The following KDM2B variants were observed in gnomAD, a reference collection of about 807,000 sequenced individuals.
KDM2B encodes lysine-specific demethylase 2B.
KDM2B carries 26 observed loss-of-function variants against 150.0 expected under a neutral mutation model. The ratio of observed to expected loss-of-function variants is 0.17; its 90% confidence interval spans 0.13 to 0.24. KDM2B has a LOEUF of 0.24. KDM2B is among the 10% of genes least tolerant of loss of function. The pLI is 1.00. For missense variants in KDM2B, 1,265 were observed against 1,816.9 expected, an observed-to-expected ratio of 0.70 and a Z score of 5.52; for synonymous variants, 734 against 729.5, an observed-to-expected ratio of 1.01 and a Z score of -0.10.
chr12:121,435,864 T>G (rs1331465789), intron 22 of KDM2B, among the ~76,000 whole-genome samples: 1 of 152,120 alleles, frequency 6.6e-6, no homozygotes, highest in Non-Finnish European at 1.5e-5. Context: ...ACCCTGTAAG[T>G]GTCGTCCATA....
intron 21 of KDM2B, 46 bp from the exon 22 acceptor site, chr12:121,440,121 A>C (rs1294147252): frequency 9.0e-6 from 13 of 1,439,832 alleles, no homozygotes; most frequent in East Asian, 4.9e-5. Flanking sequence ...CTGACCGAGG[A>C]GGCCTGGTCA....
chr12:121,574,122 C>T (rs1207596673), intron 4 of KDM2B, among the ~76,000 whole-genome samples: 1 of 152,148 alleles, frequency 6.6e-6, no homozygotes, highest in Non-Finnish European at 1.5e-5. Context: ...ATTTGCTGAG[C>T]TCGCAGTTCC....
At chr12:121,440,169 A>G in intron 21 of KDM2B, 94 bp from the exon 22 acceptor site, 1 of 822,188 alleles carries the variant, frequency 1.2e-6, no homozygotes, top group South Asian at 1.6e-5. Context: ...CCAGCCAGAC[A>G]GAACACTCAG....
At chr12:121,571,982 G>T (rs901121495) in intron 4 of KDM2B, among the ~76,000 whole-genome samples, 3 of 152,072 alleles carry the variant, frequency 2.0e-5, no homozygotes, top group Non-Finnish European at 4.4e-5. Context: ...GTGGCCAGGT[G>T]CATGGTTCAA....
chr12:121,554,693 G>A (rs1402844499), intron 4 of KDM2B, among the ~76,000 whole-genome samples: 1 of 152,140 alleles, frequency 6.6e-6, no homozygotes, highest in Middle Eastern at 3.2e-3. Context: ...TTACAGGCGT[G>A]AGCCACCGCA....
At position 121,444,161 on chromosome 12, in the gene KDM2B, T is replaced by A; in HGVS notation, c.2302A>T (p.Ser768Cys). ...KEGQEPAKRR[S>C]ECEEAPRRRS... is the part of the protein sequence containing the mutation. ...CGCCGGGGCGCCTCCTCACACTCAC[T>A]CCTCCGCTTGGCAGGTTCCTGCCCT... Residue 768 changes from serine (S) to cysteine (C), a missense_variant, in exon 16 of 23, where the codon AGT (serine) becomes TGT (cysteine). Around this residue, in one of 11 missense-constraint regions of KDM2B, gnomAD observed 418 missense variants for 402.4 expected, o/e 1.04. Transcript: ENST00000377071. 1.2e-6 allele frequency: 2 copies of A among 1,612,538 alleles called. No homozygotes were observed. The highest frequency in any genetic ancestry group is 1.7e-6 in the Non-Finnish European group (2 of 1,180,024).
intron 11 of KDM2B, among the ~76,000 whole-genome samples, chr12:121,499,107 T>TA (rs1884262509): frequency 1.7e-5 from 2 of 119,760 alleles, no homozygotes; most frequent in Admixed American, 1.0e-4. Flanking sequence ...ATCCAGTCAA[T>TA]AAATTTTTTT....
the KDM2B span, among the ~76,000 whole-genome samples, chr12:121,421,553 GAAC>G: frequency 6.6e-6 from 1 of 151,638 alleles, no homozygotes; most frequent in South Asian, 2.1e-4. Flanking sequence ...AAACAAAACA[GAAC>G]AAAAACTTCT....
chr12:121,417,437 A>G, the KDM2B span: 1 of 1,393,878 alleles, frequency 7.2e-7, no homozygotes, highest in East Asian at 2.3e-5. This position sits in a 1 kb window ranked among gnomAD's most constrained non-coding sequence, Gnocchi z 5.0. Flanking sequence ...AGTAGAAGGC[A>G]GAAAGAAAAC....
chr12:121,551,246 C>T (rs1889465682), intron 4 of KDM2B, among the ~76,000 whole-genome samples: 1 of 152,110 alleles, frequency 6.6e-6, no homozygotes, highest in Non-Finnish European at 1.5e-5. Flanking sequence ...ATAAAAGTAA[C>T]TCTGTGTAAT....
chr12:121,439,708 C>T (rs1450453111), intron 22 of KDM2B, 149 bp downstream of exon 22: 7 of 651,924 alleles, frequency 1.1e-5, no homozygotes, highest in Non-Finnish European at 1.6e-5. Context: ...ACTGTGTTTC[C>T]CCCCTGGACT....
chr12:121,420,496 T>C, the KDM2B span: 1 of 1,573,718 alleles, frequency 6.4e-7, no homozygotes, highest in Admixed American at 1.7e-5. Flanking sequence ...GCTGGGAGAA[T>C]ATTCAGGGCC....
chr12:121,568,529 C>A (rs1349604527), intron 4 of KDM2B, among the ~76,000 whole-genome samples: 1 of 152,060 alleles, frequency 6.6e-6, no homozygotes, highest in Non-Finnish European at 1.5e-5. Context: ...CAACTACACA[C>A]AACAAACAAT....
intron 13 of KDM2B, among the ~76,000 whole-genome samples, chr12:121,447,978 C>T (rs992640061): frequency 3.3e-5 from 5 of 151,750 alleles, no homozygotes; most frequent in African/African-American, 7.3e-5. Context: ...TTTCTATTAA[C>T]ACGTCATGGG....
rs782703166 is a variant in KDM2B at position 121,520,958 on chromosome 12, C to A, written c.1047+27G>T. 7 of 1,583,718 alleles carry A rather than the reference C, an allele frequency of 4.4e-6. No homozygotes were observed. In the Admixed American group the frequency reaches 1.2e-4, roughly 26 times the overall value. On this transcript the variant is annotated intron_variant, in intron 9 of 22. Transcript: ENST00000377071. The surrounding 1 kb of genome is among the most constrained non-coding windows in gnomAD (Gnocchi z 4.5). ...GCAGAGCTCAGGGGCCAGGCGCGCA[C>A]GCGAGGACAGAAGGGAACCTCCTTA...
At chr12:121,423,382 T>G in the KDM2B span, 9 of 1,599,694 alleles carry the variant, frequency 5.6e-6, no homozygotes, top group South Asian at 1.0e-4. This position sits in a 1 kb window ranked among gnomAD's most constrained non-coding sequence, Gnocchi z 4.3. Flanking sequence ...CTGTTGCCTT[T>G]CAGATGGCGA....
intron 9 of KDM2B, among the ~76,000 whole-genome samples, chr12:121,515,049 A>C (rs1373737328): frequency 1.4e-4 from 1 of 7,126 alleles, no homozygotes; most frequent in Non-Finnish European, 2.8e-4. Context: ...CACACTCCCC[A>C]CCCCCAATCA....
At chr12:121,422,808 G>A in the KDM2B span, among the ~76,000 whole-genome samples, 155 of 152,258 alleles carry the variant, frequency 1.0e-3, no homozygotes, top group African/African-American at 3.6e-3. Context: ...GAGCCAGGAC[G>A]GCCCATCTCT....
intron 10 of KDM2B, among the ~76,000 whole-genome samples, chr12:121,511,716 C>T (rs549038473): frequency 6.6e-6 from 1 of 152,328 alleles, no homozygotes; most frequent in African/African-American, 2.4e-5. Context: ...GGATTCTACA[C>T]CCTAAATGGT....
Sources: gnomAD v4.1 joint callset for allele counts (sites outside exome capture counted in the v4.1 genomes callset) on GRCh38, gnomAD v4.1.1 for gene constraint, gnomAD v4.1.1 regional missense constraint, Gnocchi (gnomAD v3.1) non-coding constraint, MANE v1.5 for transcripts, NCBI Gene and HGNC (gene_info 2026-07-23, HGNC 2026-07-21) for gene names.